DPP6: variants seen among roughly 807,000 people sequenced by gnomAD.
DPP6 encodes A-type potassium channel modulatory protein DPP6.
In DPP6, 69 loss-of-function variants were observed where a neutral mutation model predicts 122.6. The observed-to-expected ratio is 0.56, with a 90% CI of 0.46 to 0.69. DPP6 has a LOEUF of 0.69. Ranked by LOEUF, DPP6 falls within the 30% of genes least tolerant of loss-of-function variation. DPP6 has a pLI of 0.00. For missense variants in DPP6, 928 were observed against 1,116.9 expected (o/e 0.83, Z 2.41); for synonymous variants, 418 against 433.1 (o/e 0.97, Z 0.43).
At chr7:154,337,928 C>G (rs1809574746) in intron 1 of DPP6, among the ~76,000 whole-genome samples, 1 of 152,196 alleles carries the variant, frequency 6.6e-6, no homozygotes, top group Admixed American at 6.5e-5. Flanking sequence ...GCGCGTAAGC[C>G]TGTTCAGCTC....
chr7:154,850,926 G>A (rs1270927956), intron 16 of DPP6, among the ~76,000 whole-genome samples: 1 of 152,176 alleles, frequency 6.6e-6, no homozygotes, highest in Admixed American at 6.5e-5. Context: ...AATACGGTGT[G>A]TAATGTTAAG....
At chr7:154,318,117 T>A (rs1430828048) in intron 1 of DPP6, among the ~76,000 whole-genome samples, 3 of 152,254 alleles carry the variant, frequency 2.0e-5, no homozygotes, top group African/African-American at 7.2e-5. Context: ...CTGGAGATTT[T>A]GAAATTTTCA....
chr7:154,146,404 A>G (rs1468730800), intron 1 of DPP6, among the ~76,000 whole-genome samples: 3 of 146,210 alleles, frequency 2.1e-5, no homozygotes, highest in Admixed American at 6.9e-5. Context: ...CTTCCTGTGT[A>G]CCCTGATACC....
rs935460176 is a variant in DPP6, at chr7:153,887,877, T to C, written c.51+143T>C. ...CCGCGCGCGGCGGCGCTTCTCCCAC[T>C]TCCCACCCGAGCCCACCCAGCGGCA... On this transcript the variant is annotated intron_variant, in intron 1 of 25. Coordinates refer to the DPP6 transcript ENST00000404039. The C allele has an allele frequency of 1.3e-5, 12 of 901,706 alleles. No homozygotes were observed. The East Asian group carries it at 2.8e-4, about 21-fold the overall frequency. The allele number at this position is 901,706 out of a possible 1,614,324, so 55.9% of individuals were successfully genotyped here.
chr7:153,773,862 CAA>C, the DPP6 span, among the ~76,000 whole-genome samples: 3 of 90,746 alleles, frequency 3.3e-5, no homozygotes, highest in Admixed American at 1.1e-4. Context: ...GCAACAAAGA[CAA>C]AAAAAAAAAA....
intron 6 of DPP6, among the ~76,000 whole-genome samples, chr7:154,647,943 C>A (rs1224616180): frequency 6.6e-6 from 1 of 151,996 alleles, no homozygotes. Flanking sequence ...GCTGTGTGTT[C>A]CTTCTTCCAC....
At chr7:153,942,084 G>T (rs867261775) in intron 1 of DPP6, among the ~76,000 whole-genome samples, 4 of 152,240 alleles carry the variant, frequency 2.6e-5, no homozygotes, top group Non-Finnish European at 2.9e-5. Flanking sequence ...AATGGTGCCT[G>T]AGGAATTGCT....
In DPP6 at chr7:154,514,644, C is replaced by G. The variant is rs189436845; in HGVS notation, c.458-25888C>G. 6.1e-3 allele frequency among the ~76,000 whole-genome samples: 924 copies of G among 152,282 alleles called. 11 individuals carry two copies. The highest frequency in any genetic ancestry group is 0.021 in the African/African-American group (862 of 41,560). On this transcript the variant is annotated intron_variant, in intron 3 of 25. Coordinates refer to ENST00000377770, the MANE Select transcript of DPP6 (RefSeq NM_130797.4). ...GTCAGTGGAATCACGCAGTATTTGT[C>G]CTTTTGTGACTGGCTTATTTCACTT... is the stretch of plus-strand genomic sequence containing the variant.
chr7:154,396,777 C>T (rs1280031180), intron 1 of DPP6, among the ~76,000 whole-genome samples: 1 of 152,168 alleles, frequency 6.6e-6, no homozygotes, highest in Non-Finnish European at 1.5e-5. Context: ...AACCTTGTTT[C>T]TACTAAAAAC....
In DPP6 at chr7:154,061,617, A is replaced by AG. The variant is rs1291581045; in HGVS notation, c.243+8562dup. On this transcript the variant is annotated intron_variant, in intron 1 of 25. Coordinates refer to ENST00000377770, the MANE Select transcript of DPP6 (RefSeq NM_130797.4). The stretch of plus-strand genomic sequence containing the variant: ...CCCTGGCTCTTGGGACTCCCATCAC[A>AG]GGGGGGGGAGGCACCCGCTGCGAGG... Among the ~76,000 whole-genome samples the AG allele has an allele frequency of 6.1e-4, 80 of 131,678 alleles. 8 individuals carry two copies. The highest frequency in any genetic ancestry group is 2.5e-3 in the South Asian group (10 of 3,928). 86.4% of individuals were successfully genotyped at this position (131,678 alleles called of 152,430 possible).
intron 7 of DPP6, among the ~76,000 whole-genome samples, chr7:154,719,192 G>A (rs1237198090): frequency 1.3e-5 from 2 of 152,144 alleles, no homozygotes; most frequent in Non-Finnish European, 2.9e-5. Flanking sequence ...GTGTTTGGGT[G>A]ATTGATGGGC....
At chr7:154,888,106 T>C (rs1208189076) in intron 23 of DPP6, among the ~76,000 whole-genome samples, 3 of 131,432 alleles carry the variant, frequency 2.3e-5, no homozygotes, top group Non-Finnish European at 4.7e-5. Context: ...TTTTTTTTTT[T>C]GAGATGGAGT....
chr7:153,900,043 G>A (rs979186099), intron 1 of DPP6, among the ~76,000 whole-genome samples: 3 of 152,188 alleles, frequency 2.0e-5, no homozygotes, highest in African/African-American at 7.2e-5. Context: ...ATCAGCATCA[G>A]CTGGGAGCTT....
At chr7:154,321,578 T>A (rs1012038970) in intron 1 of DPP6, among the ~76,000 whole-genome samples, 2 of 151,566 alleles carry the variant, frequency 1.3e-5, no homozygotes, top group Non-Finnish European at 2.9e-5. Flanking sequence ...GGTCAGGAGT[T>A]CAAGAACAGC....
At chr7:154,497,326 G>C (rs1157573022) in intron 3 of DPP6, among the ~76,000 whole-genome samples, 1 of 152,190 alleles carries the variant, frequency 6.6e-6, no homozygotes, top group African/African-American at 2.4e-5. Flanking sequence ...AACTAGGACA[G>C]GCTGGGCATG....
At chr7:154,465,438 A>T (rs1274007787) in intron 2 of DPP6, among the ~76,000 whole-genome samples, 2 of 152,210 alleles carry the variant, frequency 1.3e-5, no homozygotes, top group African/African-American at 4.8e-5. Flanking sequence ...ACAGAATGGG[A>T]GAAAATTTTT....
At chr7:154,052,030 GC>G (rs1800367751), upstream of DPP6, among the ~76,000 whole-genome samples, 1 of 151,614 alleles carries the variant, frequency 6.6e-6, no homozygotes, top group African/African-American at 2.4e-5. This position sits in a 1 kb window ranked among gnomAD's most constrained non-coding sequence, Gnocchi z 4.8. Flanking sequence ...GCGCCCCGGG[GC>G]CGGCTGCACC....
At chr7:153,860,624 G>A in the DPP6 span, among the ~76,000 whole-genome samples, 1,410 of 148,934 alleles carry the variant, frequency 9.5e-3, 18 homozygotes, top group African/African-American at 0.033. Flanking sequence ...ATCCTTGGGT[G>A]GTTTCCCTAA....
the DPP6 span, among the ~76,000 whole-genome samples, chr7:153,815,247 C>A: frequency 6.6e-6 from 1 of 152,184 alleles, no homozygotes; most frequent in African/African-American, 2.4e-5. Context: ...AACTGATAAG[C>A]AACTTCAGCA....
Sources: allele counts gnomAD v4.1 joint callset (sites outside exome capture counted in the v4.1 genomes callset), GRCh38; gene constraint gnomAD v4.1.1; non-coding constraint Gnocchi (gnomAD v3.1); transcripts MANE v1.5; gene names NCBI Gene and HGNC (gene_info 2026-07-23, HGNC 2026-07-21).